ENTR1: variants seen among roughly 807,000 people sequenced by gnomAD.
ENTR1 encodes the protein endosome-associated-trafficking regulator 1.
ENTR1 carries 47 observed loss-of-function variants against 47.9 expected under a neutral mutation model. The ratio of observed to expected loss-of-function variants is 0.98; its 90% CI spans 0.78 to 1.25. ENTR1 has a LOEUF of 1.25. ENTR1 is among the 50% of genes most tolerant of loss of function. The pLI is 0.00. For synonymous variants in ENTR1, 290 were observed against 245.8 expected (o/e 1.18, Z -1.68); for missense variants, 668 against 570.5 (o/e 1.17, Z -1.74).
chr9:136,404,696 G>C lies in ENTR1; in HGVS notation c.1006-3C>G, dbSNP rs1006026225. 2.5e-6 allele frequency: 4 copies of C among 1,613,924 alleles called. No homozygotes were observed. The East Asian group carries it at 8.9e-5, about 36-fold the overall frequency. The stretch of plus-strand genomic sequence containing the variant: ...TTTTCTGCCTTTACAGCCCGTTTCT[G>C]TTACCCAAAAAAGAAAAACCACAAA... On this transcript the variant is annotated splice_polypyrimidine_tract_variant and splice_region_variant and intron_variant, in intron 7 of 9. Coordinates refer to ENST00000357365, the MANE Select transcript of ENTR1 (RefSeq NM_001039707.2).
At chr9:136,406,538 G>A (rs1246578874) in intron 5 of ENTR1, among the ~76,000 whole-genome samples, 5 of 151,826 alleles carry the variant, frequency 3.3e-5, no homozygotes, top group Admixed American at 2.0e-4. Flanking sequence ...GTACAGTGGC[G>A]TGACCTCGGC....
In ENTR1 at chr9:136,402,606, G is replaced by C; in HGVS notation, c.*182C>G. ...TGCATAGAAACCACAGAGACAACTC[G>C]GCCAGGGCTGCTCCCATTGTGGTGG... On this transcript the variant is annotated 3_prime_UTR_variant, in exon 10 of 10. Coordinates refer to ENST00000357365, the MANE Select transcript of ENTR1 (RefSeq NM_001039707.2). 4.1e-6 allele frequency: 2 copies of C among 482,582 alleles called. No individual in the cohort carries two copies. The highest frequency in any genetic ancestry group is 7.3e-6 in the Non-Finnish European group (2 of 272,728). The allele number at this position is 482,582 out of a possible 1,614,324, so 29.9% of individuals were successfully genotyped here.
chr9:136,408,963 T>G, intron 3 of ENTR1, 36 bp downstream of exon 3: 3 of 1,579,890 alleles, frequency 1.9e-6, no homozygotes, highest in Non-Finnish European at 2.6e-6. Flanking sequence ...CTGTGTTGGA[T>G]GGAGACAAGA....
intron 3 of ENTR1, 112 bp downstream of exon 3, chr9:136,408,887 C>CT: frequency 1.3e-6 from 1 of 756,894 alleles, no homozygotes; most frequent in Non-Finnish European, 2.3e-6. Context: ...CCCACCTGCT[C>CT]TTTTGGGCTC....
At position 136,407,370 on chromosome 9, in the gene ENTR1, G is replaced by A. The variant is rs1301450841; in HGVS notation, c.594C>T (p.Pro198=). 7 of 1,607,214 alleles carry A rather than the reference G, an allele frequency of 4.4e-6. No homozygotes were observed. Among genetic ancestry groups the A allele is most frequent in the Admixed American group, 1.7e-5 (1 of 59,194 alleles). ...YLPSAIEQTH[P]ERVPAGTSPC... is the part of the protein sequence containing the mutation. ...GCGACGTGCCGGCAGGGACCCTCTCGGGGTGAGTCTGCTCGATGGCGGACG... is the reference window on the plus strand; with the variant it reads ...GCGACGTGCCGGCAGGGACCCTCTCAGGGTGAGTCTGCTCGATGGCGGACG... The change falls in exon 5 of 10, where the codon CCC becomes CCT. Residue 198 remains proline (P), a synonymous_variant. Transcript: ENST00000357365.
rs188640218 is a variant in ENTR1, at chr9:136,406,044, C to T, written c.820-66G>A. On this transcript the variant is annotated intron_variant, in intron 5 of 9. Coordinates refer to ENST00000357365, the MANE Select transcript of ENTR1 (RefSeq NM_001039707.2). ...TGGCTCAAAAGGGCGTGTGCTTCTG[C>T]GGTGTGGCTCCAGAGCCTCCTGATA... The T allele has an allele frequency of 9.0e-5, 106 of 1,173,126 alleles. 1 individual carries two copies. In the Admixed American group the frequency reaches 2.0e-3, roughly 22 times the overall value. The allele number at this position is 1,173,126 out of a possible 1,614,324, so 72.7% of individuals were successfully genotyped here. A position where few individuals can be genotyped will look rare whatever the true frequency, so the allele number is the denominator to read the frequency against.
chr9:136,406,682 G>A (rs1176277205), intron 5 of ENTR1, among the ~76,000 whole-genome samples: 4 of 141,046 alleles, frequency 2.8e-5, no homozygotes, highest in East Asian at 2.1e-4. Context: ...TCACCATGTT[G>A]GCCAGGCTGG....
intron 5 of ENTR1, chr9:136,406,904 T>C (rs1834791662): frequency 2.0e-6 from 1 of 501,808 alleles, no homozygotes; most frequent in African/African-American, 1.9e-5. Flanking sequence ...GGTACAGCCC[T>C]GTAAGTGCCC....
At chr9:136,404,490 C>T (rs762321311) in intron 8 of ENTR1, 141 bp downstream of exon 8, 31 of 922,876 alleles carry the variant, frequency 3.4e-5, no homozygotes, top group South Asian at 6.6e-5. Flanking sequence ...TGACAGGAAG[C>T]GGCTGCTGTC....
intron 5 of ENTR1, 104 bp downstream of exon 5, chr9:136,407,041 G>C: frequency 8.1e-7 from 1 of 1,227,580 alleles, no homozygotes; most frequent in Non-Finnish European, 1.1e-6. Flanking sequence ...CCTTGTCCTG[G>C]AAATCAAACC....
At chr9:136,408,160 C>T (rs1399747896) in intron 3 of ENTR1, among the ~76,000 whole-genome samples, 1 of 152,168 alleles carries the variant, frequency 6.6e-6, no homozygotes, top group Non-Finnish European at 1.5e-5. Context: ...TTCCACCCCT[C>T]GGCCCCTGCT....
At chr9:136,404,757 C>G (rs1309995907) in intron 7 of ENTR1, 64 bp from the exon 8 acceptor site, 17 of 1,565,254 alleles carry the variant, frequency 1.1e-5, no homozygotes, top group South Asian at 8.9e-5. Context: ...ATACCGGACA[C>G]GGGCCCCAAC....
In ENTR1 at chr9:136,406,257, C is replaced by T. The variant is rs1319844688; in HGVS notation, c.820-279G>A. 3.9e-5 allele frequency among the ~76,000 whole-genome samples: 6 copies of T among 151,972 alleles called. No homozygotes were observed. In the East Asian group the frequency reaches 7.8e-4, roughly 20 times the overall value. Reference sequence around the variant, plus strand: ...GGCCGAGGTGGGCGGATCACAAGGTCAGGAGTTTGAGACCAGCCTGGCCAA... The same window carrying T: ...GGCCGAGGTGGGCGGATCACAAGGTTAGGAGTTTGAGACCAGCCTGGCCAA... On this transcript the variant is annotated intron_variant, in intron 5 of 9. Coordinates refer to ENST00000357365, the MANE Select transcript of ENTR1 (RefSeq NM_001039707.2).
chr9:136,410,170 A>G lies in ENTR1; in HGVS notation c.140T>C (p.Leu47Pro), dbSNP rs765651213. The G allele has an allele frequency of 1.2e-6, 2 of 1,611,176 alleles. No homozygotes were observed. The highest frequency in any genetic ancestry group is 2.2e-5 in the East Asian group (1 of 44,794). ...CCGAATGCCGAAGAAGGGGGAGTCC[A>G]GGTCCCTGCCATGGGGGCGCTCACA... is the stretch of plus-strand genomic sequence containing the variant. ...LNCERPHGRD[L>P]DSPFFGIRPA... is the part of the protein sequence containing the mutation. The change falls in exon 2 of 10, where the codon CTG becomes CCG. Residue 47 changes from leucine to proline, a missense_variant. By Grantham distance (98) the Leu-to-Pro change is moderately conservative. Transcript: ENST00000357365.
chr9:136,410,404 C>CGGCCCGGCGGGGCACGACCTGCCT lies in ENTR1; in HGVS notation c.-31_-8dup. 2.2e-6 allele frequency: 3 copies of CGGCCCGGCGGGGCACGACCTGCCT among 1,361,418 alleles called. No individual in the cohort carries two copies. Among genetic ancestry groups the CGGCCCGGCGGGGCACGACCTGCCT allele is most frequent in the Non-Finnish European group, 2.8e-6 (3 of 1,065,740 alleles). The allele number at this position is 1,361,418 out of a possible 1,614,324, so 84.3% of individuals were successfully genotyped here. Reference sequence around the variant, plus strand: ...GGCGCTGGTAGCCCGACATCGCCGCCGGCCCGGCGGGGCACGACCTGCCTA... The same window carrying CGGCCCGGCGGGGCACGACCTGCCT: ...GGCGCTGGTAGCCCGACATCGCCGCCGGCCCGGCGGGGCACGACCTGCCTGGCCCGGCGGGGCACGACCTGCCTA... On this transcript the variant is annotated 5_prime_UTR_variant, in exon 1 of 10. Transcript: ENST00000357365.
Position 136,410,521 on chromosome 9 carries a change from G to A in ENTR1, c.-124C>T, listed in dbSNP as rs1588802513. 2 of 1,025,322 alleles carry A rather than the reference G, an allele frequency of 2.0e-6. No homozygotes were observed. The highest frequency in any genetic ancestry group is 2.4e-6 in the Non-Finnish European group (2 of 825,358). 63.5% of individuals were successfully genotyped at this position (1,025,322 alleles called of 1,614,324 possible). On this transcript the variant is annotated 5_prime_UTR_variant, in exon 1 of 10. Transcript: ENST00000357365. The stretch of plus-strand genomic sequence containing the variant: ...CGCCCGCCCCCGTCGCCCGCCGCTC[G>A]GCCGCCCCCGCGCCTCCGAGCCTCT...
intron 6 of ENTR1, 120 bp downstream of exon 6, chr9:136,405,785 C>T (rs1327044884): frequency 5.0e-6 from 3 of 602,430 alleles, no homozygotes; most frequent in Non-Finnish European, 8.5e-6. Context: ...TGATGCTGAA[C>T]ATTTATATAC....
intron 2 of ENTR1, 192 bp downstream of exon 2, chr9:136,409,898 T>A (rs922646881): frequency 6.7e-6 from 5 of 751,826 alleles, no homozygotes; most frequent in African/African-American, 1.7e-5. Context: ...ACTGTCTGTC[T>A]TGGGGGAGGT....
chr9:136,409,889 C>T (rs999457338), intron 2 of ENTR1: 19 of 733,238 alleles, frequency 2.6e-5, no homozygotes, highest in Non-Finnish European at 4.5e-5. Flanking sequence ...TGTACTGGAA[C>T]TGTCTGTCTT....
Sources: allele counts gnomAD v4.1 joint callset (sites outside exome capture counted in the v4.1 genomes callset), GRCh38; gene constraint gnomAD v4.1.1; transcripts MANE v1.5; gene names NCBI Gene and HGNC (gene_info 2026-07-23, HGNC 2026-07-21).